Variants in NYAP2 observed in about 807,000 individuals in gnomAD.
The protein encoded by NYAP2 is neuronal tyrosine-phosphorylated phosphoinositide-3-kinase adapter 2.
NYAP2 carries 23 observed loss-of-function variants against 50.4 expected under a neutral mutation model. The observed-to-expected ratio is 0.46, with a 90% CI of 0.33 to 0.65. The LOEUF (loss-of-function observed/expected upper bound fraction) is 0.65. Among genes scored for constraint, NYAP2 ranks in the 30% least tolerant of loss-of-function variants. NYAP2 has a pLI of 0.02. For synonymous variants in NYAP2, 394 were observed against 365.2 expected (o/e 1.08, Z -0.90); for missense variants, 885 against 861.0 (o/e 1.03, Z -0.35).
chr2:225,686,965 A>C, the NYAP2 span, among the ~76,000 whole-genome samples: 23 of 152,302 alleles, frequency 1.5e-4, no homozygotes, highest in Non-Finnish European at 4.4e-5. Flanking sequence ...TGTTTGATCA[A>C]GTGCACTTCC....
chr2:225,549,088 C>A (rs932217421), intron 4 of NYAP2, among the ~76,000 whole-genome samples: 3 of 152,034 alleles, frequency 2.0e-5, no homozygotes, highest in African/African-American at 7.2e-5. Flanking sequence ...GTCATTCTGG[C>A]CAGGCTGGTC....
chr2:225,520,958 G>A (rs1024066682), intron 4 of NYAP2, among the ~76,000 whole-genome samples: 14 of 150,784 alleles, frequency 9.3e-5, no homozygotes, highest in Admixed American at 7.9e-4. Context: ...TTGAGCAGTG[G>A]TTTGTAGTTC....
intron 5 of NYAP2, among the ~76,000 whole-genome samples, chr2:225,622,732 A>T (rs1323477980): frequency 1.3e-5 from 2 of 151,706 alleles, no homozygotes; most frequent in African/African-American, 4.8e-5. Flanking sequence ...GACACCTGCC[A>T]CTACGCCCGA....
intron 4 of NYAP2, among the ~76,000 whole-genome samples, chr2:225,518,845 C>T (rs1371968413): frequency 6.6e-6 from 1 of 151,218 alleles, no homozygotes; most frequent in African/African-American, 2.4e-5. Flanking sequence ...AAGGTGAAAC[C>T]CCATCGGTCT....
At chr2:225,662,333 T>C in the NYAP2 span, among the ~76,000 whole-genome samples, 5 of 152,260 alleles carry the variant, frequency 3.3e-5, no homozygotes, top group African/African-American at 1.2e-4. Flanking sequence ...CAAGTGTCTG[T>C]GGATATTAAC....
intron 3 of NYAP2, among the ~76,000 whole-genome samples, chr2:225,505,002 C>T (rs1206979589): frequency 3.0e-5 from 4 of 134,882 alleles, no homozygotes; most frequent in South Asian, 2.8e-4. Context: ...AGCAAGACTG[C>T]GTCTCGAAAA....
chr2:225,414,239 A>G (rs1456766511), intron 3 of NYAP2, among the ~76,000 whole-genome samples: 2 of 152,166 alleles, frequency 1.3e-5, no homozygotes, highest in East Asian at 3.9e-4. Context: ...AAAAATATCA[A>G]ATAAATAAAA....
chr2:225,536,492 G>A (rs891950304), intron 4 of NYAP2, among the ~76,000 whole-genome samples: 2 of 151,336 alleles, frequency 1.3e-5, no homozygotes, highest in Non-Finnish European at 2.9e-5. Context: ...GGGGTCCTTT[G>A]AGCTCTATAT....
At chr2:225,423,073 G>A (rs1574606935) in intron 3 of NYAP2, among the ~76,000 whole-genome samples, 1 of 152,058 alleles carries the variant, frequency 6.6e-6, no homozygotes, top group South Asian at 2.1e-4. Flanking sequence ...ATAGTGGAAG[G>A]GAAAGTATTC....
intron 3 of NYAP2, among the ~76,000 whole-genome samples, chr2:225,494,851 TG>T (rs1246333032): frequency 6.6e-6 from 1 of 152,172 alleles, no homozygotes; most frequent in African/African-American, 2.4e-5. Context: ...TCCATTCTTG[TG>T]GGAAGATATG....
At position 225,578,519 on chromosome 2, in the gene NYAP2, G is replaced by A. The variant is rs116634696; in HGVS notation, c.524-3422G>A. ...AATGGGTCAGATTTAAGTAGTAAGC[G>A]CCTTCCACAAATTAGAAACTGGAGA... On this transcript the variant is annotated intron_variant, in intron 4 of 6. Coordinates refer to ENST00000636099, the Ensembl canonical transcript of NYAP2. Among the ~76,000 whole-genome samples the A allele has an allele frequency of 1.6e-3, 245 of 152,236 alleles. 2 individuals carry two copies. Among genetic ancestry groups the A allele is most frequent in the Non-Finnish European group, 1.3e-3 (87 of 68,022 alleles).
chr2:225,405,593 G>T (rs796288775), intron 2 of NYAP2, among the ~76,000 whole-genome samples: 6 of 152,044 alleles, frequency 3.9e-5, no homozygotes, highest in African/African-American at 1.4e-4. Flanking sequence ...GCTTTGAATT[G>T]GTAGCTGTTG....
the NYAP2 span, among the ~76,000 whole-genome samples, chr2:225,676,975 G>A: frequency 6.6e-6 from 1 of 151,934 alleles, no homozygotes; most frequent in Non-Finnish European, 1.5e-5. Flanking sequence ...GGATAGTATT[G>A]AATGTGTAAG....
chr2:225,674,236 A>G, the NYAP2 span, among the ~76,000 whole-genome samples: 1 of 152,020 alleles, frequency 6.6e-6, no homozygotes, highest in Admixed American at 6.6e-5. Flanking sequence ...TGGGGCTTTG[A>G]TTGTATATTA....
chr2:225,682,482 C>A, the NYAP2 span, among the ~76,000 whole-genome samples: 1 of 152,290 alleles, frequency 6.6e-6, no homozygotes, highest in South Asian at 2.1e-4. Flanking sequence ...TCATAGCCTC[C>A]TGCTTCTCCA....
At chr2:225,503,665 A>G (rs747826585) in intron 3 of NYAP2, among the ~76,000 whole-genome samples, 1 of 152,150 alleles carries the variant, frequency 6.6e-6, no homozygotes, top group Non-Finnish European at 1.5e-5. Flanking sequence ...ATTAACCTCA[A>G]ACTCTTGGCA....
In NYAP2 at chr2:225,410,270, A is replaced by G. The variant is rs1256359945; in HGVS notation, c.221+1169A>G. Among the ~76,000 whole-genome samples the G allele has an allele frequency of 6.9e-4, 105 of 152,138 alleles. 1 individual carries two copies. Among genetic ancestry groups the G allele is most frequent in the South Asian group, 2.1e-4 (1 of 4,832 alleles). ...TTAAAATGAAAATATATTATCAGGTATAGAAATTGCATAATTGATCAACAT... is the reference window on the plus strand; with the variant it reads ...TTAAAATGAAAATATATTATCAGGTGTAGAAATTGCATAATTGATCAACAT... On this transcript the variant is annotated intron_variant, in intron 3 of 6. Transcript: ENST00000636099.
intron 4 of NYAP2, among the ~76,000 whole-genome samples, chr2:225,559,610 C>G (rs1321895743): frequency 2.0e-5 from 3 of 152,062 alleles, no homozygotes; most frequent in Admixed American, 6.6e-5. Context: ...CGATTTAAAC[C>G]TGTTTTTACT....
chr2:225,448,359 A>C (rs1216775157), intron 3 of NYAP2, among the ~76,000 whole-genome samples: 1 of 152,208 alleles, frequency 6.6e-6, no homozygotes, highest in Non-Finnish European at 1.5e-5. Context: ...AATTAATCAG[A>C]GAAACAGAGG....
Sources: gnomAD v4.1 joint callset for allele counts (sites outside exome capture counted in the v4.1 genomes callset) on GRCh38, gnomAD v4.1.1 for gene constraint, MANE v1.5 for transcripts, NCBI Gene and HGNC (gene_info 2026-07-23, HGNC 2026-07-21) for gene names.